SLC51A: variants seen among roughly 807,000 people sequenced by gnomAD.
SLC51A encodes organic solute transporter subunit alpha.
In SLC51A, 22 loss-of-function variants were observed where a neutral mutation model predicts 34.8. That is an observed-to-expected ratio of 0.63 (90% CI 0.45 to 0.90). The LOEUF (loss-of-function observed/expected upper bound fraction) is 0.90. Ranked by LOEUF, SLC51A falls within the 40% of genes least tolerant of loss-of-function variation. The probability of loss-of-function intolerance (pLI) is 0.00; values close to 1 mark genes in which losing one functional copy is unlikely to be tolerated. For missense variants in SLC51A, 371 were observed against 414.8 expected (o/e 0.89, Z 0.92); for synonymous variants, 181 against 176.3 (o/e 1.03, Z -0.21).
intron 2 of SLC51A, among the ~76,000 whole-genome samples, chr3:196,224,740 G>T (rs1257831535): frequency 9.6e-6 from 1 of 104,140 alleles, no homozygotes; most frequent in Non-Finnish European, 2.1e-5. Context: ...GGAGGAGAGG[G>T]GAGAGGGGAG....
intron 2 of SLC51A, among the ~76,000 whole-genome samples, chr3:196,220,181 T>C (rs2108753279): frequency 6.6e-6 from 1 of 152,324 alleles, no homozygotes; most frequent in East Asian, 1.9e-4. Context: ...GGAGGAGCTG[T>C]GCTTTATCCC....
Position 196,217,931 on chromosome 3 carries a change from T to C in SLC51A, c.128T>C (p.Leu43Pro). Residue 43 changes from leucine to proline, a missense_variant, in exon 2 of 9, where the codon CTG (leucine) becomes CCG (proline). By Grantham distance (98) the Leu-to-Pro change is moderately conservative (BLOSUM62 -3). Transcript: ENST00000296327. ...CAGCCTCCCACAGCAGCCCAACTCC[T>C]GAGAGGTGAGTGGGGACCCTCCTCA... ...FSQPPTAAQLLRALGPVELAL... is the reference protein window; with the variant it reads ...FSQPPTAAQLPRALGPVELAL... 2 of 1,611,858 alleles carry C rather than the reference T, an allele frequency of 1.2e-6. No homozygotes were observed.
intron 4 of SLC51A, 127 bp downstream of exon 4, chr3:196,227,864 CTTG>C: frequency 9.9e-7 from 1 of 1,005,186 alleles, no homozygotes; most frequent in East Asian, 2.5e-5. Flanking sequence ...GTTCCGGGCT[CTTG>C]CGCTCCTGGC....
chr3:196,227,143 T>C lies in SLC51A; in HGVS notation c.288+24T>C, dbSNP rs1170535312. On this transcript the variant is annotated intron_variant, in intron 3 of 8. Transcript: ENST00000296327. ...CGGTGAGGCCCCCGGGGCTGCCCTG[T>C]GGGGGGAACTGAAAAGAAGGCAGAG... is the stretch of plus-strand genomic sequence containing the variant. The C allele has an allele frequency of 1.9e-6, 3 of 1,607,876 alleles. No homozygotes were observed. The South Asian group carries it at 3.3e-5, about 18-fold the overall frequency.
chr3:196,228,710 G>A lies in SLC51A; in HGVS notation c.522-99G>A, dbSNP rs1723956360. 1 of 961,072 alleles carries A rather than the reference G, an allele frequency of 1.0e-6. No individual in the cohort carries two copies. Among genetic ancestry groups the A allele is most frequent in the Admixed American group, 1.8e-5 (1 of 55,378 alleles). 59.5% of individuals were successfully genotyped at this position (961,072 alleles called of 1,614,324 possible). A position where few individuals can be genotyped will look rare whatever the true frequency, so the allele number is the denominator to read the frequency against. ...CTTAACCTGGTTGGTGTTTATGACA[G>A]CAGCCGAGCCTCAGCCCAGGAGCCC... On this transcript the variant is annotated intron_variant, in intron 5 of 8. Coordinates refer to ENST00000296327, the MANE Select transcript of SLC51A (RefSeq NM_152672.6). The surrounding 1 kb of genome is among the most constrained non-coding windows in gnomAD (Gnocchi z 4.9).
chr3:196,221,931 G>C (rs1336842211), intron 2 of SLC51A, among the ~76,000 whole-genome samples: 4 of 150,720 alleles, frequency 2.7e-5, no homozygotes, highest in Non-Finnish European at 5.9e-5. Context: ...TGTTAGTCAG[G>C]ATGGTCTCGA....
rs1471226731 is a variant in SLC51A, at chr3:196,228,135, A to T, written c.383A>T (p.Tyr128Phe). 3.7e-6 allele frequency: 6 copies of T among 1,613,752 alleles called. No individual in the cohort carries two copies. The highest frequency in any genetic ancestry group is 5.1e-6 in the Non-Finnish European group (6 of 1,179,904). ...CCCAGGTTTTATGCCGTGTGCTTTT[A>T]CCTGCTGATGCTGGTCATGGTGGAA... ...TITSFYAVCFYLLMLVMVEGF... is the reference protein window; with the variant it reads ...TITSFYAVCFFLLMLVMVEGF... The change falls in exon 5 of 9, where the codon TAC (tyrosine) becomes TTC (phenylalanine). Residue 128 changes from tyrosine (Y) to phenylalanine (F), a missense_variant. Physicochemically the swap from Tyr to Phe is conservative, Grantham distance 22 (BLOSUM62 3). Transcript: ENST00000296327. This position sits in a 1 kb window ranked among gnomAD's most constrained non-coding sequence, Gnocchi z 4.9.
chr3:196,217,788 C>A, intron 1 of SLC51A, 54 bp from the exon 2 acceptor site: 2 of 1,528,524 alleles, frequency 1.3e-6, no homozygotes, highest in East Asian at 2.3e-5. Flanking sequence ...AGTGTGCAAC[C>A]CTCCCCCTTC....
At position 196,233,160 on chromosome 3, in the gene SLC51A, T is replaced by G; in HGVS notation, c.984T>G (p.Thr328=). 2 of 1,614,218 alleles carry G rather than the reference T, an allele frequency of 1.2e-6. No individual in the cohort carries two copies. The highest frequency in any genetic ancestry group is 4.5e-5 in the East Asian group (2 of 44,884). Residue 328 remains threonine (T), a synonymous_variant, in exon 9 of 9, where the codon ACT becomes ACG. Coordinates refer to ENST00000296327, the MANE Select transcript of SLC51A (RefSeq NM_152672.6). ...AAGACCACAAGGTTGGGTATGAAAC[T>G]TTCTCTTCTCCAGACCTGGACTTGA... ...RRKDHKVGYE[T]FSSPDLDLNL...
At chr3:196,230,102 G>T in intron 7 of SLC51A, 41 bp downstream of exon 7, 2 of 1,545,432 alleles carry the variant, frequency 1.3e-6, no homozygotes, top group Non-Finnish European at 1.7e-6. Flanking sequence ...TCATAACCGA[G>T]CTACAGATAG....
chr3:196,230,099 C>A (rs67261052), intron 7 of SLC51A, 38 bp downstream of exon 7: 13 of 1,555,268 alleles, frequency 8.4e-6, no homozygotes, highest in South Asian at 1.2e-5. Flanking sequence ...GTTTCATAAC[C>A]GAGCTACAGA....
chr3:196,227,252 A>G (rs1317786573), intron 3 of SLC51A, 133 bp downstream of exon 3: 2 of 881,816 alleles, frequency 2.3e-6, no homozygotes, highest in Non-Finnish European at 3.4e-6. Flanking sequence ...CGAGGTTTGC[A>G]GGCCGACCTC....
At position 196,228,073 on chromosome 3, in the gene SLC51A, C is replaced by G; in HGVS notation, c.363-42C>G. On this transcript the variant is annotated intron_variant, in intron 4 of 8. Coordinates refer to ENST00000296327, the MANE Select transcript of SLC51A (RefSeq NM_152672.6). This position sits in a 1 kb window ranked among gnomAD's most constrained non-coding sequence, Gnocchi z 4.9. ...CCACCTCTCCCTGCTGTCTTTCTCTCTGGCAGCAGACCTCGTAGGCCCTCT... is the reference window on the plus strand; with the variant it reads ...CCACCTCTCCCTGCTGTCTTTCTCTGTGGCAGCAGACCTCGTAGGCCCTCT... 6.3e-7 allele frequency: 1 copy of G among 1,587,776 alleles called. No homozygotes were observed. The highest frequency in any genetic ancestry group is 8.6e-7 in the Non-Finnish European group (1 of 1,164,606).
At chr3:196,219,640 G>T (rs1399925047) in intron 2 of SLC51A, among the ~76,000 whole-genome samples, 1 of 152,232 alleles carries the variant, frequency 6.6e-6, no homozygotes, top group Non-Finnish European at 1.5e-5. Flanking sequence ...TGAACCTCCT[G>T]TTGAGAGAGT....
intron 2 of SLC51A, among the ~76,000 whole-genome samples, chr3:196,222,406 G>A (rs1296488328): frequency 4.0e-5 from 6 of 150,724 alleles, no homozygotes; most frequent in Admixed American, 1.3e-4. Flanking sequence ...AGGCCGAGGC[G>A]GGTGGATCAC....
intron 2 of SLC51A, among the ~76,000 whole-genome samples, 192 bp from the exon 3 acceptor site, chr3:196,226,773 T>TAAAAAAAAAAAAAAAAA (rs780868037): frequency 3.7e-5 from 4 of 107,556 alleles, no homozygotes; most frequent in African/African-American, 1.5e-4. Context: ...GGCTCCGTCT[T>TAAAAAAAAAAAAAAAAA]AAAAAAAAAA....
chr3:196,218,601 TG>T (rs1257908579), intron 2 of SLC51A, among the ~76,000 whole-genome samples: 1 of 152,204 alleles, frequency 6.6e-6, no homozygotes, highest in Non-Finnish European at 1.5e-5. Flanking sequence ...GGGGAGGGTG[TG>T]GGGATCCCCG....
chr3:196,228,134 T>C lies in SLC51A; in HGVS notation c.382T>C (p.Tyr128His). ...CCCCAGGTTTTATGCCGTGTGCTTT[T>C]ACCTGCTGATGCTGGTCATGGTGGA... is the stretch of plus-strand genomic sequence containing the variant. ...TITSFYAVCF[Y>H]LLMLVMVEGF... The change falls in exon 5 of 9, where the codon TAC (tyrosine) becomes CAC (histidine). Residue 128 changes from tyrosine (Y) to histidine (H), a missense_variant. Physicochemically the swap from Tyr to His is moderately conservative, Grantham distance 83 (BLOSUM62 2). Coordinates refer to ENST00000296327, the MANE Select transcript of SLC51A (RefSeq NM_152672.6). This position sits in a 1 kb window ranked among gnomAD's most constrained non-coding sequence, Gnocchi z 4.9. 6.2e-7 allele frequency: 1 copy of C among 1,614,086 alleles called. No individual in the cohort carries two copies. The highest frequency in any genetic ancestry group is 8.5e-7 in the Non-Finnish European group (1 of 1,179,978).
At chr3:196,227,256 C>T (rs941302646) in intron 3 of SLC51A, 137 bp downstream of exon 3, 9 of 847,126 alleles carry the variant, frequency 1.1e-5, no homozygotes, top group African/African-American at 6.8e-5. Flanking sequence ...GTTTGCAGGC[C>T]GACCTCCCCT....
Sources: gnomAD v4.1 joint callset for allele counts (sites outside exome capture counted in the v4.1 genomes callset) on GRCh38, gnomAD v4.1.1 for gene constraint, Gnocchi (gnomAD v3.1) non-coding constraint, MANE v1.5 for transcripts, NCBI Gene and HGNC (gene_info 2026-07-23, HGNC 2026-07-21) for gene names.